ATP5MF: variants seen among roughly 807,000 people sequenced by gnomAD.
ATP5MF encodes ATP synthase membrane subunit f.
In ATP5MF, 10 loss-of-function variants were observed where a neutral mutation model predicts 13.8. That is an observed-to-expected ratio of 0.72 (90% CI 0.45 to 1.23). The LOEUF (loss-of-function observed/expected upper bound fraction) is 1.23, where lower values mean the gene tolerates loss of function less well. Among genes scored for constraint, ATP5MF ranks in the 50% most tolerant of loss-of-function variants. ATP5MF has a pLI of 0.00. For synonymous variants in ATP5MF, 40 were observed against 45.8 expected, an observed-to-expected ratio of 0.87 and a Z score of 0.51; for missense variants, 122 against 118.2, an observed-to-expected ratio of 1.03 and a Z score of -0.15.
intron 1 of ATP5MF, among the ~76,000 whole-genome samples, chr7:99,465,033 A>G (rs192921750): frequency 6.6e-6 from 1 of 152,012 alleles, no homozygotes; most frequent in Non-Finnish European, 1.5e-5. Flanking sequence ...GCCGAGGTAC[A>G]TGGATCACCT....
At chr7:99,465,994 T>G (rs1486068268) in intron 1 of ATP5MF, 117 bp downstream of exon 1, 1 of 1,553,962 alleles carries the variant, frequency 6.4e-7, no homozygotes, top group African/African-American at 1.4e-5. Flanking sequence ...TCAAGTGAGG[T>G]CGTGGCGAAG....
chr7:99,464,664 A>C (rs1284038908), intron 1 of ATP5MF, among the ~76,000 whole-genome samples: 1 of 151,940 alleles, frequency 6.6e-6, no homozygotes, highest in Non-Finnish European at 1.5e-5. Context: ...CTCCATCTCA[A>C]AAAAACAAAC....
intron 1 of ATP5MF, chr7:99,460,440 T>C: frequency 1.4e-6 from 1 of 691,812 alleles, no homozygotes; most frequent in Non-Finnish European, 2.7e-6. Context: ...AGTAACAGCT[T>C]GCTGGGAGTA....
intron 1 of ATP5MF, 133 bp downstream of exon 1, chr7:99,465,978 C>T: frequency 1.4e-6 from 2 of 1,475,180 alleles, no homozygotes; most frequent in Non-Finnish European, 1.8e-6. Context: ...CGGGGTCTGG[C>T]GCGCCTCAAG....
intron 1 of ATP5MF, 40 bp from the exon 2 acceptor site, chr7:99,460,233 C>T: frequency 5.0e-6 from 8 of 1,608,058 alleles, no homozygotes; most frequent in Non-Finnish European, 6.8e-6. Context: ...ACTGAATAAT[C>T]TCCCAGTAAC....
chr7:99,459,681 C>A, intron 2 of ATP5MF: 1 of 241,240 alleles, frequency 4.1e-6, no homozygotes, highest in East Asian at 1.1e-4. Context: ...CCCGAAGTGC[C>A]GGGATTACAG....
chr7:99,458,232 G>T lies in ATP5MF; in HGVS notation c.*95C>A. 7.8e-7 allele frequency: 1 copy of T among 1,280,170 alleles called. No individual in the cohort carries two copies. The highest frequency in any genetic ancestry group is 1.1e-6 in the Non-Finnish European group (1 of 908,338). The allele number at this position is 1,280,170 out of a possible 1,614,324, so 79.3% of individuals were successfully genotyped here. Reference sequence around the variant, plus strand: ...TTTATTTGGAGGTTAATTCCTATTAGGATATGAAAGGATTCAGCAACGATT... The same window carrying T: ...TTTATTTGGAGGTTAATTCCTATTATGATATGAAAGGATTCAGCAACGATT... On this transcript the variant is annotated 3_prime_UTR_variant, in exon 4 of 4. Transcript: ENST00000292475.
Position 99,460,169 on chromosome 7 carries a change from A to T in ATP5MF, c.56T>A (p.Leu19Gln). 6.2e-7 allele frequency: 1 copy of T among 1,614,218 alleles called. No homozygotes were observed. Among genetic ancestry groups the T allele is most frequent in the Non-Finnish European group, 8.5e-7 (1 of 1,180,036 alleles). ...TGGCAGCTCCCCCAGTTTGACCTCC[A>T]GAAGTTTCTTGTCCTTCACTGGTAC... ...APVPVKDKKL[L>Q]EVKLGELPSW... The change falls in exon 2 of 4, where the codon CTG becomes CAG. Residue 19 changes from leucine (L) to glutamine (Q), a missense_variant. Transcript: ENST00000292475.
At chr7:99,465,687 A>G (rs547137270) in intron 1 of ATP5MF, among the ~76,000 whole-genome samples, 10 of 152,274 alleles carry the variant, frequency 6.6e-5, no homozygotes, top group Non-Finnish European at 1.0e-4. Context: ...CGAACCTTAC[A>G]TGGTATCAGG....
At chr7:99,465,316 CAA>C (rs1798821502) in intron 1 of ATP5MF, among the ~76,000 whole-genome samples, 1 of 152,062 alleles carries the variant, frequency 6.6e-6, no homozygotes, top group Non-Finnish European at 1.5e-5. Context: ...ATGTGTTAAT[CAA>C]AACTCTGCCA....
chr7:99,463,329 T>C (rs756865916), intron 1 of ATP5MF, among the ~76,000 whole-genome samples: 1 of 152,258 alleles, frequency 6.6e-6, no homozygotes, highest in Admixed American at 6.5e-5. Context: ...CTTCATAGCA[T>C]AGTCTATTTT....
chr7:99,464,825 G>A (rs1419149641), intron 1 of ATP5MF, among the ~76,000 whole-genome samples: 2 of 151,902 alleles, frequency 1.3e-5, no homozygotes, highest in African/African-American at 2.4e-5. Flanking sequence ...TTAGCCGGGC[G>A]TAGGTACTGG....
chr7:99,464,449 G>A (rs998365896), intron 1 of ATP5MF, among the ~76,000 whole-genome samples: 33 of 151,750 alleles, frequency 2.2e-4, no homozygotes, highest in Non-Finnish European at 4.0e-4. Flanking sequence ...AGATCACAAG[G>A]TCAGGAGATC....
At chr7:99,462,685 G>T (rs1195232885) in intron 1 of ATP5MF, among the ~76,000 whole-genome samples, 2 of 152,256 alleles carry the variant, frequency 1.3e-5, no homozygotes, top group Non-Finnish European at 2.9e-5. Context: ...TGAGACAGGA[G>T]AATCGCTTAA....
At chr7:99,463,987 GATC>G (rs1426545525) in intron 1 of ATP5MF, among the ~76,000 whole-genome samples, 7 of 152,102 alleles carry the variant, frequency 4.6e-5, no homozygotes, top group East Asian at 1.9e-4. Context: ...CTACCTAAAA[GATC>G]ATCAATACCT....
rs770316592 is a variant in ATP5MF at position 99,462,714 on chromosome 7, GC to G, written c.32-2522del. ...CGCTTAAACCTGGGAGGTAGAGGTT[GC>G]AGTGAGCCAAGATCGTGCCACTGCA... On this transcript the variant is annotated intron_variant, in intron 1 of 3. Transcript: ENST00000292475. 1.1e-4 allele frequency among the ~76,000 whole-genome samples: 17 copies of G among 152,376 alleles called. 1 individual carries two copies. The East Asian group carries it at 2.7e-3, about 24-fold the overall frequency.
At chr7:99,461,404 A>G (rs1798594445) in intron 1 of ATP5MF, among the ~76,000 whole-genome samples, 1 of 152,010 alleles carries the variant, frequency 6.6e-6, no homozygotes, top group Admixed American at 6.6e-5. Context: ...CTTTTAGCAG[A>G]TGTCCTATTG....
chr7:99,461,478 T>C (rs1024258188), intron 1 of ATP5MF, among the ~76,000 whole-genome samples: 10 of 152,158 alleles, frequency 6.6e-5, no homozygotes, highest in African/African-American at 2.2e-4. Flanking sequence ...CCAGATTAAA[T>C]AATCCCAAGG....
intron 1 of ATP5MF, chr7:99,460,585 G>A (rs1267037453): frequency 6.0e-6 from 3 of 499,774 alleles, no homozygotes; most frequent in Admixed American, 4.2e-5. Context: ...TTAAAGGAGG[G>A]GAGGGGGGAT....
Sources: gnomAD v4.1 joint callset for allele counts (sites outside exome capture counted in the v4.1 genomes callset) on GRCh38, gnomAD v4.1.1 for gene constraint, MANE v1.5 for transcripts, NCBI Gene and HGNC (gene_info 2026-07-23, HGNC 2026-07-21) for gene names.